Variants in CDH13 observed in about 807,000 individuals in gnomAD.
CDH13 encodes cadherin-13.
A neutral mutation model predicts 63.8 loss-of-function variants in CDH13; 24 were observed. The observed-to-expected ratio is 0.38, with a 90% CI of 0.27 to 0.53. The LOEUF (loss-of-function observed/expected upper bound fraction) is 0.53, where lower values mean the gene tolerates loss of function less well. CDH13 is among the 20% of genes least tolerant of loss of function. The pLI, the probability that CDH13 is intolerant of heterozygous loss-of-function variation, is 0.85. For synonymous variants in CDH13, 503 were observed against 355.3 expected (o/e 1.42, Z -4.67); for missense variants, 1,049 against 903.1 (o/e 1.16, Z -2.07).
intron 3 of CDH13, among the ~76,000 whole-genome samples, chr16:83,094,316 G>A (rs528792741): frequency 7.8e-4 from 119 of 152,222 alleles, no homozygotes; most frequent in African/African-American, 2.8e-3. Context: ...TTGACAAGAG[G>A]GAAACTTTGG....
intron 4 of CDH13, among the ~76,000 whole-genome samples, chr16:83,141,799 G>C (rs976372744): frequency 9.2e-5 from 14 of 152,182 alleles, no homozygotes; most frequent in Non-Finnish European, 2.1e-4. Context: ...AGTTTGCTGA[G>C]AATGATGGCT....
chr16:82,703,176 A>G (rs2031190906), intron 1 of CDH13, among the ~76,000 whole-genome samples: 1 of 151,832 alleles, frequency 6.6e-6, no homozygotes, highest in African/African-American at 2.4e-5. Flanking sequence ...TTATGCACAC[A>G]TAAACATACT....
In CDH13 at chr16:82,782,551, CAA is replaced by C. The variant is rs5818406; in HGVS notation, c.46-75797_46-75796del. 2.1e-4 allele frequency among the ~76,000 whole-genome samples: 19 copies of C among 90,036 alleles called. 1 individual carries two copies. Among genetic ancestry groups the C allele is most frequent in the African/African-American group, 7.9e-4 (15 of 19,016 alleles). The allele number at this position is 90,036 out of a possible 152,430, so 59.1% of individuals were successfully genotyped here. On this transcript the variant is annotated intron_variant, in intron 1 of 13. Transcript: ENST00000567109. ...TGGGCGACAGTGCCAGACTCCATCTCAAAAAAAAAAAAAAATAATAATAAACA... is the reference window on the plus strand; with the variant it reads ...TGGGCGACAGTGCCAGACTCCATCTCAAAAAAAAAAAAATAATAATAAACA...
At chr16:83,460,799 A>G (rs190608498) in intron 6 of CDH13, among the ~76,000 whole-genome samples, 3 of 151,506 alleles carry the variant, frequency 2.0e-5, no homozygotes, top group Admixed American at 6.6e-5. Flanking sequence ...TTTGTCCAAG[A>G]TCAGCCTGGG....
At chr16:82,806,906 C>G (rs1199779495) in intron 1 of CDH13, among the ~76,000 whole-genome samples, 3 of 152,086 alleles carry the variant, frequency 2.0e-5, no homozygotes, top group Non-Finnish European at 2.9e-5. Flanking sequence ...TATGCTCTAG[C>G]ATATTCCAGC....
At chr16:83,505,591 TG>T (rs887996574) in intron 7 of CDH13, among the ~76,000 whole-genome samples, 19 of 140,710 alleles carry the variant, frequency 1.4e-4, no homozygotes, top group African/African-American at 5.2e-4. Context: ...TTGCCCAGGC[TG>T]GAGTGCAATG....
intron 3 of CDH13, among the ~76,000 whole-genome samples, chr16:83,069,524 C>T (rs1194968133): frequency 6.6e-6 from 1 of 152,120 alleles, no homozygotes. Context: ...AAAGCTGAGG[C>T]ATGAAGAGGG....
At chr16:83,426,807 C>T (rs1198925297) in intron 6 of CDH13, among the ~76,000 whole-genome samples, 1 of 150,030 alleles carries the variant, frequency 6.7e-6, no homozygotes, top group Non-Finnish European at 1.5e-5. Flanking sequence ...TGACCCATCT[C>T]TTTTCTCCTC....
chr16:83,786,138 G>C (rs1395926510), intron 13 of CDH13, among the ~76,000 whole-genome samples: 1 of 152,170 alleles, frequency 6.6e-6, no homozygotes, highest in African/African-American at 2.4e-5. Context: ...TTTCCAGAAA[G>C]TGTTTCAGAA....
Position 83,602,445 on chromosome 16 carries a change from G to A in CDH13, c.961-9G>A. The A allele has an allele frequency of 6.2e-7, 1 of 1,613,920 alleles. No individual in the cohort carries two copies. The highest frequency in any genetic ancestry group is 1.1e-5 in the South Asian group (1 of 91,080). On this transcript the variant is annotated splice_polypyrimidine_tract_variant and intron_variant, in intron 7 of 13. Coordinates refer to ENST00000567109, the MANE Select transcript of CDH13 (RefSeq NM_001257.5). ...TGTCATATTATTTCTTTGTGCTTGT[G>A]CTTTGTAGACTCTGGAAAATCCCAA...
intron 1 of CDH13, among the ~76,000 whole-genome samples, chr16:82,708,030 C>G (rs77680289): frequency 0.014 from 2,132 of 152,228 alleles, 41 homozygotes; most frequent in South Asian, 0.077. Context: ...CTTTTTCCTT[C>G]CAGCTGTTGC....
chr16:83,551,333 C>T (rs2075490891), intron 7 of CDH13, among the ~76,000 whole-genome samples: 1 of 150,774 alleles, frequency 6.6e-6, no homozygotes, highest in African/African-American at 2.4e-5. Flanking sequence ...TCCCATAGTG[C>T]TGGGATTACA....
At chr16:83,168,476 T>C (rs746621209) in intron 4 of CDH13, among the ~76,000 whole-genome samples, 5 of 152,092 alleles carry the variant, frequency 3.3e-5, no homozygotes, top group Non-Finnish European at 7.4e-5. Context: ...TAGTAGCTAT[T>C]TCATGAATAG....
intron 4 of CDH13, among the ~76,000 whole-genome samples, chr16:83,165,713 A>T (rs541544089): frequency 3.3e-5 from 5 of 152,278 alleles, no homozygotes; most frequent in Admixed American, 2.6e-4. Flanking sequence ...AGTTTCCAAG[A>T]TGGCTTAAAA....
chr16:83,582,446 G>A (rs984448049), intron 7 of CDH13, among the ~76,000 whole-genome samples: 1 of 152,042 alleles, frequency 6.6e-6, no homozygotes, highest in Non-Finnish European at 1.5e-5. Flanking sequence ...CAAAATTTAA[G>A]GTACTGCCTT....
intron 3 of CDH13, among the ~76,000 whole-genome samples, chr16:83,090,293 G>C (rs1028477226): frequency 6.6e-6 from 1 of 152,196 alleles, no homozygotes; most frequent in East Asian, 1.9e-4. Context: ...ATTCGTTTGT[G>C]GGCCGGGCAC....
intron 5 of CDH13, among the ~76,000 whole-genome samples, chr16:83,314,455 C>A (rs1176423977): frequency 3.3e-5 from 5 of 152,104 alleles, no homozygotes; most frequent in Admixed American, 3.3e-4. Context: ...ACTTCCAGGA[C>A]AGAGCACCCT....
intron 6 of CDH13, among the ~76,000 whole-genome samples, chr16:83,430,005 G>A (rs759363389): frequency 6.6e-6 from 1 of 152,078 alleles, no homozygotes; most frequent in Non-Finnish European, 1.5e-5. Context: ...CTATAAATTG[G>A]ACTGTTTTAG....
rs76854262 is a variant in CDH13 at position 83,384,737 on chromosome 16, T to C, written c.781+39731T>C. 8.5e-3 allele frequency among the ~76,000 whole-genome samples: 1,299 copies of C among 152,318 alleles called. 15 individuals are homozygous for C. Among genetic ancestry groups the C allele is most frequent in the East Asian group, 0.051 (264 of 5,172 alleles). ...TGGCAAAAGGCCTCATGTGGATCAA[T>C]GTGGACTAATGATGAATCTTTCCTG... On this transcript the variant is annotated intron_variant, in intron 6 of 13. Coordinates refer to ENST00000567109, the MANE Select transcript of CDH13 (RefSeq NM_001257.5).
Sources: gnomAD v4.1 joint callset for allele counts (sites outside exome capture counted in the v4.1 genomes callset) on GRCh38, gnomAD v4.1.1 for gene constraint, MANE v1.5 for transcripts, NCBI Gene and HGNC (gene_info 2026-07-23, HGNC 2026-07-21) for gene names.